SDK1: variants seen among roughly 807,000 people sequenced by gnomAD.
SDK1 encodes the protein protein sidekick-1.
A neutral mutation model predicts 245.5 loss-of-function variants in SDK1; 157 were observed. The ratio of observed to expected loss-of-function variants is 0.64; its 90% CI spans 0.56 to 0.73. The LOEUF (loss-of-function observed/expected upper bound fraction) is 0.73. SDK1 is among the 30% of genes least tolerant of loss of function. The probability of loss-of-function intolerance (pLI) is 0.00; values close to 1 mark genes in which losing one functional copy is unlikely to be tolerated. For missense variants in SDK1, 3,583 were observed against 3,002.3 expected, an observed-to-expected ratio of 1.19 and a Z score of -4.52; for synonymous variants, 1,647 against 1,278.5, an observed-to-expected ratio of 1.29 and a Z score of -6.15.
chr7:3,885,476 C>T (rs987166155), intron 5 of SDK1, among the ~76,000 whole-genome samples: 3 of 152,146 alleles, frequency 2.0e-5, no homozygotes, highest in African/African-American at 4.8e-5. Flanking sequence ...CCTGTGCTTT[C>T]GGTACACGTG....
At chr7:3,322,761 G>T (rs1779848662) in intron 1 of SDK1, among the ~76,000 whole-genome samples, 1 of 152,094 alleles carries the variant, frequency 6.6e-6, no homozygotes, top group Non-Finnish European at 1.5e-5. Context: ...TATGGTAATT[G>T]CACTCTTTTG....
At chr7:4,101,045 C>T (rs571502631) in intron 22 of SDK1, among the ~76,000 whole-genome samples, 30 of 152,318 alleles carry the variant, frequency 2.0e-4, no homozygotes, top group Admixed American at 2.6e-4. Flanking sequence ...CAGTGCTCTC[C>T]GCACTGGTTG....
intron 19 of SDK1, among the ~76,000 whole-genome samples, chr7:4,053,422 C>T (rs1415489763): frequency 2.6e-5 from 4 of 152,030 alleles, no homozygotes; most frequent in Non-Finnish European, 5.9e-5. Flanking sequence ...CATCCTGTTC[C>T]CTTCTTCCCC....
At chr7:4,208,424 G>A (rs935395696) in intron 37 of SDK1, 139 bp downstream of exon 37, 11 of 739,394 alleles carry the variant, frequency 1.5e-5, no homozygotes, top group Non-Finnish European at 2.4e-5. Flanking sequence ...GGAGTTTCTG[G>A]ATGGGCAGGA....
intron 14 of SDK1, among the ~76,000 whole-genome samples, chr7:4,003,821 G>C (rs971961116): frequency 4.6e-5 from 7 of 152,252 alleles, no homozygotes; most frequent in African/African-American, 1.7e-4. Context: ...GAGACAGTCT[G>C]TTGTGGTGGA....
intron 35 of SDK1, among the ~76,000 whole-genome samples, chr7:4,193,314 A>G (rs1440632305): frequency 4.4e-5 from 6 of 136,898 alleles, no homozygotes; most frequent in African/African-American, 1.4e-4. Context: ...ATATTAATAT[A>G]TTTATACAAT....
chr7:4,173,758 A>G (rs960051414), intron 32 of SDK1, among the ~76,000 whole-genome samples: 4 of 151,916 alleles, frequency 2.6e-5, no homozygotes, highest in African/African-American at 9.7e-5. Flanking sequence ...TGGCATGGGG[A>G]GGCATCAGTG....
chr7:4,233,211 T>G lies in SDK1; in HGVS notation c.5828-44T>G, dbSNP rs202027111. On this transcript the variant is annotated intron_variant, in intron 40 of 44. Transcript: ENST00000404826. Reference sequence around the variant, plus strand: ...GTGCATGGGGCTCGCATCTGGGACTTCGCACTTCTAACCTCTGCTCTCGCC... The same window carrying G: ...GTGCATGGGGCTCGCATCTGGGACTGCGCACTTCTAACCTCTGCTCTCGCC... 1.9e-6 allele frequency: 3 copies of G among 1,581,374 alleles called. No individual in the cohort carries two copies. In the East Asian group the frequency reaches 6.8e-5, roughly 36 times the overall value.
intron 1 of SDK1, among the ~76,000 whole-genome samples, chr7:3,479,364 G>T (rs1781439758): frequency 7.1e-6 from 1 of 141,554 alleles, no homozygotes; most frequent in African/African-American, 2.7e-5. Context: ...AGAGGTTGCA[G>T]TGAGCCGATA....
intron 5 of SDK1, among the ~76,000 whole-genome samples, chr7:3,880,819 T>G (rs937268390): frequency 6.6e-6 from 1 of 152,126 alleles, no homozygotes; most frequent in Non-Finnish European, 1.5e-5. Context: ...GCTGTGGTTA[T>G]GAACTGTGAT....
chr7:4,073,040 ATTTAC>A (rs1429827728), intron 20 of SDK1, among the ~76,000 whole-genome samples: 1 of 152,232 alleles, frequency 6.6e-6, no homozygotes, highest in African/African-American at 2.4e-5. Flanking sequence ...CTTCTAGAGA[ATTTAC>A]TTTAGATCAA....
At chr7:4,185,912 C>T (rs994447675) in intron 35 of SDK1, among the ~76,000 whole-genome samples, 2 of 151,978 alleles carry the variant, frequency 1.3e-5, no homozygotes, top group Non-Finnish European at 2.9e-5. Context: ...ATAGCCCAGG[C>T]CACCGGCCCA....
At chr7:3,585,901 C>T (rs1468878407) in intron 1 of SDK1, among the ~76,000 whole-genome samples, 1 of 152,136 alleles carries the variant, frequency 6.6e-6, no homozygotes, top group Non-Finnish European at 1.5e-5. Context: ...GTAAGACTGA[C>T]ATCTCAGGGC....
intron 40 of SDK1, among the ~76,000 whole-genome samples, chr7:4,231,218 C>G (rs772664335): frequency 6.6e-6 from 1 of 152,124 alleles, no homozygotes; most frequent in Non-Finnish European, 1.5e-5. Context: ...GCCATTCTGA[C>G]ATTATTAGTG....
chr7:3,514,572 T>A (rs1475585120), intron 1 of SDK1, among the ~76,000 whole-genome samples: 1 of 152,172 alleles, frequency 6.6e-6, no homozygotes, highest in East Asian at 1.9e-4. Flanking sequence ...GTCTCGTCAC[T>A]GTCCTAGGTC....
chr7:4,186,678 C>T (rs116639438), intron 35 of SDK1, among the ~76,000 whole-genome samples: 6,697 of 152,222 alleles, frequency 0.044, 238 homozygotes, highest in African/African-American at 0.092. Context: ...GTAGAGCCCC[C>T]CGCTGCTCCA....
intron 4 of SDK1, among the ~76,000 whole-genome samples, chr7:3,649,198 G>T (rs1782935335): frequency 6.6e-6 from 1 of 152,112 alleles, no homozygotes; most frequent in South Asian, 2.1e-4. Context: ...GACATGGATG[G>T]GTGGGAAGAG....
chr7:3,717,606 A>G (rs956800859), intron 4 of SDK1, among the ~76,000 whole-genome samples: 2 of 152,198 alleles, frequency 1.3e-5, no homozygotes, highest in South Asian at 4.1e-4. Context: ...TGGTTACTGT[A>G]GCCTTTAAAA....
intron 4 of SDK1, among the ~76,000 whole-genome samples, chr7:3,816,241 A>C (rs1035002661): frequency 2.0e-5 from 3 of 151,994 alleles, no homozygotes; most frequent in African/African-American, 7.3e-5. Flanking sequence ...GAACTAACTA[A>C]AATCAGAGCA....
Sources: gnomAD v4.1 joint callset for allele counts (sites outside exome capture counted in the v4.1 genomes callset) on GRCh38, gnomAD v4.1.1 for gene constraint, MANE v1.5 for transcripts, NCBI Gene and HGNC (gene_info 2026-07-23, HGNC 2026-07-21) for gene names.